Variants in SHROOM4 observed in about 807,000 individuals in gnomAD.
SHROOM4 encodes the protein shroom family member 4, also known as protein Shroom4.
Under a neutral mutation model 80.3 loss-of-function variants are expected in SHROOM4, and 17 were observed. That is an observed-to-expected ratio of 0.21 (90% CI 0.14 to 0.32). The LOEUF is 0.32. Ranked by LOEUF, SHROOM4 falls within the 10% of genes least tolerant of loss-of-function variation. The pLI is 1.00. For missense variants in SHROOM4, 993 were observed against 1,140.3 expected (o/e 0.87, Z 1.86); for synonymous variants, 400 against 437.5 (o/e 0.91, Z 1.07).
rs1557246261 is a variant in SHROOM4 at position 50,595,299 on chromosome X, T to C, written c.*1396A>G. 1 of 113,896 alleles carries C rather than the reference T, an allele frequency of 8.8e-6. No homozygotes were observed. Among genetic ancestry groups the C allele is most frequent in the Non-Finnish European group, 1.8e-5 (1 of 54,390 alleles). 9.4% of individuals were successfully genotyped at this position (113,896 alleles called of 1,213,427 possible). ...ACAGCAGCAGTTTTAGTTGTTTGTA[T>C]GCCTAAGATCCTGGCTGGGTCTTCA... is the stretch of plus-strand genomic sequence containing the variant. On this transcript the variant is annotated 3_prime_UTR_variant, in exon 9 of 9. Transcript: ENST00000376020.
At chrX:50,583,455 G>C (rs1928699636), downstream of SHROOM4, among the ~76,000 whole-genome samples, 1 of 111,223 alleles carries the variant, frequency 9.0e-6, no homozygotes, top group Admixed American at 9.6e-5. Flanking sequence ...CCTGTGACAT[G>C]CTTCTAAATG....
chrX:50,811,484 C>T (rs1286643917), intron 1 of SHROOM4, among the ~76,000 whole-genome samples: 2 of 111,395 alleles, frequency 1.8e-5, no homozygotes, highest in Admixed American at 1.9e-4. Flanking sequence ...TTTTAATCTG[C>T]CAACCCAATT....
intron 2 of SHROOM4, among the ~76,000 whole-genome samples, chrX:50,651,795 A>G (rs1932083888): frequency 1.9e-5 from 2 of 102,581 alleles, no homozygotes; most frequent in Non-Finnish European, 3.9e-5. Flanking sequence ...ATGTGTTCTC[A>G]TTGTTCAACT....
intron 1 of SHROOM4, among the ~76,000 whole-genome samples, chrX:50,732,763 A>G (rs1934400562): frequency 2.7e-5 from 3 of 112,587 alleles, no homozygotes; most frequent in African/African-American, 9.7e-5. Context: ...AAGAGACTGA[A>G]TAAGTAATAA....
At chrX:50,689,189 A>G (rs1487469807) in intron 2 of SHROOM4, among the ~76,000 whole-genome samples, 1 of 111,788 alleles carries the variant, frequency 8.9e-6, no homozygotes. Context: ...TATGTACCCC[A>G]TAAATACGTA....
chrX:50,713,604 C>T (rs1933876136), intron 1 of SHROOM4, among the ~76,000 whole-genome samples: 1 of 111,501 alleles, frequency 9.0e-6, no homozygotes, highest in African/African-American at 3.3e-5. Flanking sequence ...CACTGTACTC[C>T]CACCTGGGTG....
intron 2 of SHROOM4, among the ~76,000 whole-genome samples, chrX:50,662,690 A>C (rs1932550024): frequency 8.9e-6 from 1 of 112,226 alleles, no homozygotes; most frequent in Non-Finnish European, 1.9e-5. Context: ...ACAGAAAAGG[A>C]AACTGTGATT....
chrX:50,800,202 T>C (rs1483442671), intron 1 of SHROOM4, among the ~76,000 whole-genome samples: 1 of 112,169 alleles, frequency 8.9e-6, no homozygotes, highest in Non-Finnish European at 1.9e-5. Flanking sequence ...TATATCCAGA[T>C]CATCTAGTCA....
chrX:50,681,975 T>C (rs1367969159), intron 2 of SHROOM4, among the ~76,000 whole-genome samples: 1 of 111,911 alleles, frequency 8.9e-6, no homozygotes, highest in Non-Finnish European at 1.9e-5. Flanking sequence ...TCAATTACTA[T>C]CGACCCAAAT....
chrX:50,621,266 T>C (rs1557251946), intron 5 of SHROOM4, among the ~76,000 whole-genome samples: 2 of 112,220 alleles, frequency 1.8e-5, no homozygotes, highest in African/African-American at 3.2e-5. Flanking sequence ...TGAGTCTGTT[T>C]CTAGAAGCTC....
intron 1 of SHROOM4, among the ~76,000 whole-genome samples, chrX:50,731,837 A>G (rs1227812876): frequency 8.9e-6 from 1 of 111,973 alleles, no homozygotes; most frequent in Non-Finnish European, 1.9e-5. Flanking sequence ...AGCATGGATA[A>G]GTGTAAACCT....
rs1557244936 is a variant in SHROOM4 at position 50,587,290 on chromosome X, G to A, written c.*9405C>T. Among the ~76,000 whole-genome samples the A allele has an allele frequency of 2.7e-5, 3 of 112,050 alleles. No homozygotes were observed. Among genetic ancestry groups the A allele is most frequent in the Non-Finnish European group, 5.6e-5 (3 of 53,172 alleles). On this transcript the variant is annotated 3_prime_UTR_variant, in exon 9 of 9. Transcript: ENST00000376020. ...GGAAACCCTGGTACATTGTTGGTGG[G>A]AATGTAAATTAGTACCCCATTTTGG...
Position 50,634,642 on chromosome X carries a change from G to A in SHROOM4, c.1431C>T (p.Thr477=). 1.7e-6 allele frequency: 2 copies of A among 1,211,834 alleles called. No individual in the cohort carries two copies. Among genetic ancestry groups the A allele is most frequent in the Non-Finnish European group, 1.1e-6 (1 of 895,584 alleles). The change falls in exon 4 of 9, where the codon ACC becomes ACT. Residue 477 remains threonine (T), a synonymous_variant. Coordinates refer to ENST00000376020, the MANE Select transcript of SHROOM4 (RefSeq NM_020717.5). ...CTAAAGACCTGTCATCCACTTGTCTGGTCTTTCTTTCTTTGCTGGACTGGT... is the reference window on the plus strand; with the variant it reads ...CTAAAGACCTGTCATCCACTTGTCTAGTCTTTCTTTCTTTGCTGGACTGGT... ...THDQSSKERK[T]RQVDDRSLVL...
At chrX:50,647,085 G>A (rs1557258028) in intron 2 of SHROOM4, among the ~76,000 whole-genome samples, 2 of 111,733 alleles carry the variant, frequency 1.8e-5, no homozygotes, top group East Asian at 2.8e-4. Flanking sequence ...ACATAGCAGC[G>A]GGTAGGAAAA....
chrX:50,780,941 G>A (rs1935614853), intron 1 of SHROOM4, among the ~76,000 whole-genome samples: 1 of 111,416 alleles, frequency 9.0e-6, no homozygotes, highest in Admixed American at 9.5e-5. Context: ...TGGGGGGAAA[G>A]CCAGTGTTGT....
At chrX:50,717,101 A>G (rs1186952772) in intron 1 of SHROOM4, among the ~76,000 whole-genome samples, 1 of 112,062 alleles carries the variant, frequency 8.9e-6, no homozygotes, top group Non-Finnish European at 1.9e-5. Flanking sequence ...CTGGCTCACT[A>G]CAAGGGACTA....
intron 4 of SHROOM4, 101 bp downstream of exon 4, chrX:50,633,077 G>C: frequency 1.2e-6 from 1 of 863,606 alleles, no homozygotes; most frequent in Non-Finnish European, 1.7e-6. Context: ...GTGCTGTACA[G>C]TTTCAAGGAA....
rs1309783452 is a variant in SHROOM4 at position 50,710,655 on chromosome X, A to T, written c.118-14718T>A. 5.4e-5 allele frequency among the ~76,000 whole-genome samples: 6 copies of T among 111,459 alleles called. No homozygotes were observed. In the East Asian group the frequency reaches 1.7e-3, roughly 31 times the overall value. Reference sequence around the variant, plus strand: ...ACAAACCTGCACATGTACCTCCTGAATCTAAAAAGTTGAAATTATTTTTAA... The same window carrying T: ...ACAAACCTGCACATGTACCTCCTGATTCTAAAAAGTTGAAATTATTTTTAA... On this transcript the variant is annotated intron_variant, in intron 1 of 8. Coordinates refer to ENST00000376020, the MANE Select transcript of SHROOM4 (RefSeq NM_020717.5).
Position 50,784,202 on chromosome X carries a change from C to G in SHROOM4, c.117+29700G>C, listed in dbSNP as rs972717178. On this transcript the variant is annotated intron_variant, in intron 1 of 8. Coordinates refer to ENST00000376020, the MANE Select transcript of SHROOM4 (RefSeq NM_020717.5). ...CAGACTGAGGTGTAGTGGTGTGATT[C>G]TAGCTCACTGCAGCCTTAAAGTCCT... Among the ~76,000 whole-genome samples, 3 of 112,340 alleles carry G rather than the reference C, an allele frequency of 2.7e-5. No homozygotes were observed. In the Admixed American group the frequency reaches 2.8e-4, roughly 11 times the overall value.
Sources: gnomAD v4.1 joint callset for allele counts (sites outside exome capture counted in the v4.1 genomes callset) on GRCh38, gnomAD v4.1.1 for gene constraint, MANE v1.5 for transcripts, NCBI Gene and HGNC (gene_info 2026-07-23, HGNC 2026-07-21) for gene names.